UNC13C: variants seen among roughly 807,000 people sequenced by gnomAD.
The protein encoded by UNC13C is unc-13 homolog C, also known as protein unc-13 homolog C.
A neutral mutation model predicts 245.4 loss-of-function variants in UNC13C; 174 were observed. The ratio of observed to expected loss-of-function variants is 0.71; its 90% confidence interval spans 0.63 to 0.80. UNC13C has a LOEUF of 0.80. Ranked by LOEUF, UNC13C falls within the 30% of genes least tolerant of loss-of-function variation. UNC13C has a pLI of 0.00. For synonymous variants in UNC13C, 992 were observed against 895.1 expected, an observed-to-expected ratio of 1.11 and a Z score of -1.93; for missense variants, 2,829 against 2,602.9, an observed-to-expected ratio of 1.09 and a Z score of -1.89.
chr15:54,414,907 T>C, intron 18 of UNC13C, 75 bp from the exon 19 acceptor site: 1 of 884,802 alleles, frequency 1.1e-6, no homozygotes, highest in Non-Finnish European at 1.8e-6. Context: ...CTGTGGTATA[T>C]ATGTAAAATG....
At chr15:54,553,386 AT>A (rs1422464031) in intron 28 of UNC13C, among the ~76,000 whole-genome samples, 1 of 123,070 alleles carries the variant, frequency 8.1e-6, no homozygotes, top group African/African-American at 3.0e-5. Context: ...TATATTATGT[AT>A]TAGTATATTA....
intron 2 of UNC13C, among the ~76,000 whole-genome samples, chr15:54,105,800 C>G (rs1397028637): frequency 6.6e-6 from 1 of 152,120 alleles, no homozygotes; most frequent in East Asian, 1.9e-4. Flanking sequence ...GATTTCGTGA[C>G]TGGCTGAATA....
intron 30 of UNC13C, among the ~76,000 whole-genome samples, chr15:54,607,784 A>T (rs375052473): frequency 2.0e-4 from 31 of 152,224 alleles, no homozygotes; most frequent in East Asian, 1.2e-3. Context: ...AAACAAGCAG[A>T]TCTCTTGAGA....
chr15:54,521,267 G>C (rs1364531422), intron 24 of UNC13C, among the ~76,000 whole-genome samples: 6 of 152,262 alleles, frequency 3.9e-5, no homozygotes, highest in African/African-American at 1.2e-4. Flanking sequence ...CTTCCTTCCT[G>C]ATTTGCACTT....
At position 54,555,379 on chromosome 15, in the gene UNC13C, T is replaced by C. The variant is rs938784058; in HGVS notation, c.5878-53T>C. 4 of 1,440,184 alleles carry C rather than the reference T, an allele frequency of 2.8e-6. No homozygotes were observed. The African/African-American group carries it at 5.6e-5, about 20-fold the overall frequency. The allele number at this position is 1,440,184 out of a possible 1,614,324, so 89.2% of individuals were successfully genotyped here. A position where few individuals can be genotyped will look rare whatever the true frequency, so the allele number is the denominator to read the frequency against. ...AATACAGATTATGTTTTCAAGTAGT[T>C]GTTGAATACATGAACTGGTTGTTTT... On this transcript the variant is annotated intron_variant, in intron 28 of 32. Transcript: ENST00000260323.
the UNC13C span, among the ~76,000 whole-genome samples, chr15:53,924,266 T>A: frequency 7.9e-5 from 12 of 152,070 alleles, no homozygotes; most frequent in African/African-American, 2.9e-4. Flanking sequence ...ACGGCACAGT[T>A]CAGTGCTAAT....
At chr15:54,398,770 A>G (rs1406153264) in intron 18 of UNC13C, among the ~76,000 whole-genome samples, 3 of 151,206 alleles carry the variant, frequency 2.0e-5, no homozygotes, top group African/African-American at 7.3e-5. Flanking sequence ...CCAGTCTGTT[A>G]TTATTTTTTT....
chr15:54,151,819 C>A (rs1033660967), intron 4 of UNC13C, among the ~76,000 whole-genome samples: 2 of 143,360 alleles, frequency 1.4e-5, no homozygotes, highest in African/African-American at 5.2e-5. Context: ...CAGTTCCTGG[C>A]GCTGGAGCGT....
At chr15:54,473,583 A>T (rs1414666562) in intron 19 of UNC13C, among the ~76,000 whole-genome samples, 1 of 151,742 alleles carries the variant, frequency 6.6e-6, no homozygotes, top group African/African-American at 2.4e-5. Flanking sequence ...TTAGCTCCCA[A>T]AATTTGTCTT....
chr15:53,874,627 C>A, the UNC13C span, among the ~76,000 whole-genome samples: 7 of 152,136 alleles, frequency 4.6e-5, no homozygotes, highest in East Asian at 1.9e-4. Context: ...GAAATGCCTC[C>A]TTTACCATCC....
intron 26 of UNC13C, among the ~76,000 whole-genome samples, chr15:54,543,989 CA>C (rs940377651): frequency 6.6e-6 from 1 of 151,884 alleles, no homozygotes. Flanking sequence ...AGAGATACAA[CA>C]AAAAAAGAGA....
intron 30 of UNC13C, among the ~76,000 whole-genome samples, chr15:54,602,483 G>A (rs1899492438): frequency 6.6e-6 from 1 of 152,186 alleles, no homozygotes; most frequent in African/African-American, 2.4e-5. Flanking sequence ...TTAATATTTA[G>A]AGATGATCAG....
At chr15:54,494,433 T>C (rs1416726648) in intron 19 of UNC13C, among the ~76,000 whole-genome samples, 175 bp from the exon 20 acceptor site, 3 of 152,072 alleles carry the variant, frequency 2.0e-5, no homozygotes, top group Non-Finnish European at 4.4e-5. Context: ...GTGGGACTTA[T>C]AATTATTTCT....
chr15:54,003,419 C>T (rs755545657), intron 1 of UNC13C, among the ~76,000 whole-genome samples: 3 of 152,096 alleles, frequency 2.0e-5, no homozygotes, highest in Non-Finnish European at 4.4e-5. Flanking sequence ...TCGGGCCATG[C>T]CAAGATAGTA....
chr15:54,219,711 G>A (rs1236260465), intron 4 of UNC13C, among the ~76,000 whole-genome samples: 1 of 151,538 alleles, frequency 6.6e-6, no homozygotes, highest in Non-Finnish European at 1.5e-5. Context: ...CTGTCAAAGG[G>A]CTAATATCCA....
intron 6 of UNC13C, among the ~76,000 whole-genome samples, chr15:54,236,827 C>A (rs1596060471): frequency 6.6e-6 from 1 of 152,254 alleles, no homozygotes; most frequent in African/African-American, 2.4e-5. Flanking sequence ...TGTATATGAC[C>A]AGATGGGTCT....
At chr15:53,860,961 T>G in the UNC13C span, among the ~76,000 whole-genome samples, 110 of 152,314 alleles carry the variant, frequency 7.2e-4, 2 homozygotes, top group African/African-American at 2.6e-3. Context: ...TTGATGTACA[T>G]TTGATTTTCT....
At chr15:54,188,340 A>G (rs982305194) in intron 4 of UNC13C, among the ~76,000 whole-genome samples, 187 of 152,340 alleles carry the variant, frequency 1.2e-3, no homozygotes, top group African/African-American at 4.4e-3. Context: ...GTGATTATAA[A>G]GAGGTAAACT....
chr15:54,205,575 C>T (rs1247481099), intron 4 of UNC13C, among the ~76,000 whole-genome samples: 1 of 151,948 alleles, frequency 6.6e-6, no homozygotes, highest in African/African-American at 2.4e-5. Flanking sequence ...CCATAGTAAT[C>T]GATGATGGGT....
Sources: allele counts gnomAD v4.1 joint callset (sites outside exome capture counted in the v4.1 genomes callset), GRCh38; gene constraint gnomAD v4.1.1; transcripts MANE v1.5; gene names NCBI Gene and HGNC (gene_info 2026-07-23, HGNC 2026-07-21).